CNTNAP4: variants seen among roughly 807,000 people sequenced by gnomAD.
CNTNAP4 encodes contactin associated protein family member 4.
Under a neutral mutation model 148.4 loss-of-function variants are expected in CNTNAP4, and 98 were observed. The observed-to-expected ratio is 0.66, with a 90% CI of 0.56 to 0.78. The LOEUF is 0.78. Ranked by LOEUF, CNTNAP4 falls within the 30% of genes least tolerant of loss-of-function variation. The probability of loss-of-function intolerance (pLI) is 0.00; values close to 1 mark genes in which losing one functional copy is unlikely to be tolerated. For synonymous variants in CNTNAP4, 730 were observed against 565.1 expected (o/e 1.29, Z -4.14); for missense variants, 1,935 against 1,565.6 (o/e 1.24, Z -3.98).
At chr16:76,382,546 A>G (rs1229040351) in intron 3 of CNTNAP4, among the ~76,000 whole-genome samples, 2 of 152,180 alleles carry the variant, frequency 1.3e-5, no homozygotes, top group African/African-American at 4.8e-5. Flanking sequence ...AAGAGAAAAA[A>G]GAAGCAAATC....
chr16:76,415,063 T>A (rs1376266727), intron 3 of CNTNAP4, among the ~76,000 whole-genome samples: 1 of 151,200 alleles, frequency 6.6e-6, no homozygotes, highest in Non-Finnish European at 1.5e-5. Flanking sequence ...GAAAAATAAT[T>A]ACAATAGTCT....
At chr16:76,437,572 A>G (rs1271184445) in intron 4 of CNTNAP4, among the ~76,000 whole-genome samples, 1 of 152,140 alleles carries the variant, frequency 6.6e-6, no homozygotes, top group East Asian at 1.9e-4. Flanking sequence ...GTATGTTTGA[A>G]TGAATGGGTT....
chr16:76,557,826 C>T (rs1431461073), intron 23 of CNTNAP4: 2 of 152,134 alleles, frequency 1.3e-5, no homozygotes, highest in Non-Finnish European at 2.9e-5. Context: ...CTCAAAGTGT[C>T]CCAGGGACCA....
chr16:76,493,971 G>T (rs1159876237), intron 13 of CNTNAP4, among the ~76,000 whole-genome samples: 1 of 152,144 alleles, frequency 6.6e-6, no homozygotes, highest in Non-Finnish European at 1.5e-5. Context: ...CAACTTGAAG[G>T]TTTGAAAGTC....
chr16:76,525,400 A>T (rs945632730), intron 17 of CNTNAP4, among the ~76,000 whole-genome samples: 5 of 150,870 alleles, frequency 3.3e-5, no homozygotes, highest in African/African-American at 1.2e-4. Context: ...ACAAGCAATT[A>T]AAAAAATCTG....
intron 2 of CNTNAP4, among the ~76,000 whole-genome samples, chr16:76,321,671 C>A (rs950275408): frequency 6.6e-5 from 10 of 151,288 alleles, no homozygotes; most frequent in African/African-American, 2.4e-4. Context: ...TCCCTGTAAC[C>A]CCAGCTACTC....
chr16:76,525,564 AAG>A (rs1413749415), intron 17 of CNTNAP4, among the ~76,000 whole-genome samples: 4 of 147,110 alleles, frequency 2.7e-5, no homozygotes. Context: ...GCCAATAAAA[AAG>A]AACTATTTGT....
intron 17 of CNTNAP4, among the ~76,000 whole-genome samples, chr16:76,534,376 T>A (rs895370541): frequency 6.6e-6 from 1 of 152,152 alleles, no homozygotes. Flanking sequence ...AAAAGAGAAT[T>A]TATATGTAAA....
chr16:76,495,004 A>C lies in CNTNAP4; in HGVS notation c.2175A>C (p.Gly725=). Residue 725 remains glycine, a synonymous_variant, in exon 14 of 24, where the codon GGA becomes GGC. Coordinates refer to ENST00000611870, the MANE Select transcript of CNTNAP4 (RefSeq NM_033401.5). ...CTGATCTTCAAAAATGTACTTGTGGATTAGAGGGAAACTGCATTGATTCTC... is the reference window on the plus strand; with the variant it reads ...CTGATCTTCAAAAATGTACTTGTGGCTTAGAGGGAAACTGCATTGATTCTC... The part of the protein sequence containing the change: ...SSPDLQKCTC[G]LEGNCIDSQY... 2 of 1,613,568 alleles carry C rather than the reference A, an allele frequency of 1.2e-6. No homozygotes were observed. Among genetic ancestry groups the C allele is most frequent in the Non-Finnish European group, 1.7e-6 (2 of 1,179,608 alleles).
At chr16:76,287,816 C>G (rs1005650306) in intron 1 of CNTNAP4, 2 of 152,148 alleles carry the variant, frequency 1.3e-5, no homozygotes, top group Non-Finnish European at 1.5e-5. Flanking sequence ...TTTAGGTAAG[C>G]TTGACATAAT....
chr16:76,470,501 T>A (rs1254452567), intron 10 of CNTNAP4, among the ~76,000 whole-genome samples: 3 of 47,870 alleles, frequency 6.3e-5, no homozygotes, highest in African/African-American at 1.0e-4. Flanking sequence ...ATATATAAAA[T>A]TAGTCGGGCA....
chr16:76,409,497 T>C (rs2078716916), intron 3 of CNTNAP4, among the ~76,000 whole-genome samples: 1 of 152,004 alleles, frequency 6.6e-6, no homozygotes. Context: ...ACAATATGGA[T>C]ATTTAGGAAC....
chr16:76,435,737 T>A (rs1246594468), intron 4 of CNTNAP4, among the ~76,000 whole-genome samples: 1 of 152,120 alleles, frequency 6.6e-6, no homozygotes, highest in Non-Finnish European at 1.5e-5. Context: ...ACATCAGGCT[T>A]CCAGCTCGCT....
At chr16:76,455,496 C>T (rs910224425) in intron 8 of CNTNAP4, among the ~76,000 whole-genome samples, 3 of 152,230 alleles carry the variant, frequency 2.0e-5, no homozygotes, top group African/African-American at 4.8e-5. Context: ...CCACCTTCCT[C>T]CCTTTCACTG....
chr16:76,524,832 A>C (rs1410172421), intron 17 of CNTNAP4, among the ~76,000 whole-genome samples: 1 of 152,154 alleles, frequency 6.6e-6, no homozygotes, highest in Admixed American at 6.5e-5. Flanking sequence ...AGATGAGGCA[A>C]CATAAAGATT....
chr16:76,446,118 A>T (rs538781753), intron 4 of CNTNAP4, among the ~76,000 whole-genome samples: 1 of 152,288 alleles, frequency 6.6e-6, no homozygotes, highest in East Asian at 1.9e-4. Flanking sequence ...TCTTCAAAAG[A>T]TGGCTGCATA....
intron 1 of CNTNAP4, among the ~76,000 whole-genome samples, chr16:76,292,316 C>T (rs146155243): frequency 6.6e-5 from 10 of 152,296 alleles, no homozygotes; most frequent in Non-Finnish European, 4.4e-5. Flanking sequence ...CTTGCCTCTT[C>T]GAGCACTATC....
chr16:76,497,044 G>C (rs575149586), intron 14 of CNTNAP4, among the ~76,000 whole-genome samples: 1 of 152,258 alleles, frequency 6.6e-6, no homozygotes, highest in East Asian at 1.9e-4. Flanking sequence ...AATTCTAATA[G>C]AAATTCTTCA....
chr16:76,421,828 A>C (rs2079200789), intron 3 of CNTNAP4, among the ~76,000 whole-genome samples: 1 of 152,240 alleles, frequency 6.6e-6, no homozygotes, highest in Middle Eastern at 3.4e-3. Context: ...TTGAACTTCT[A>C]CTGGTGCTGC....
Sources: gnomAD v4.1 joint callset for allele counts (sites outside exome capture counted in the v4.1 genomes callset) on GRCh38, gnomAD v4.1.1 for gene constraint, MANE v1.5 for transcripts, NCBI Gene and HGNC (gene_info 2026-07-23, HGNC 2026-07-21) for gene names.